Variants in HLA-DOA observed in about 807,000 individuals in gnomAD.
HLA-DOA encodes the protein major histocompatibility complex, class II, DO alpha, also known as HLA class II histocompatibility antigen, DO alpha chain.
HLA-DOA carries 27 observed loss-of-function variants against 22.9 expected under a neutral mutation model. That is an observed-to-expected ratio of 1.18 (90% confidence interval 0.87 to 1.62). The LOEUF is 1.62. Among genes scored for constraint, HLA-DOA ranks in the 40% most tolerant of loss-of-function variants. The pLI, the probability that HLA-DOA is intolerant of heterozygous loss-of-function variation, is 0.00. For synonymous variants in HLA-DOA, 137 were observed against 138.6 expected, an observed-to-expected ratio of 0.99 and a Z score of 0.08; for missense variants, 324 against 332.4, an observed-to-expected ratio of 0.97 and a Z score of 0.20.
rs1028990923 is a variant in HLA-DOA, at chr6:33,006,684, G to A, written c.*154C>T. The A allele has an allele frequency of 2.6e-6, 3 of 1,169,130 alleles. No homozygotes were observed. Among genetic ancestry groups the A allele is most frequent in the Non-Finnish European group, 3.8e-6 (3 of 784,142 alleles). 72.4% of individuals were successfully genotyped at this position (1,169,130 alleles called of 1,614,324 possible). A position where few individuals can be genotyped will look rare whatever the true frequency, so the allele number is the denominator to read the frequency against. ...AACAAACCCTGCCATGAATACTGGGGCCAAAAAAGAGGGGACCCGTAGGAC... is the reference window on the plus strand; with the variant it reads ...AACAAACCCTGCCATGAATACTGGGACCAAAAAAGAGGGGACCCGTAGGAC... On this transcript the variant is annotated 3_prime_UTR_variant, in exon 5 of 5. Coordinates refer to ENST00000229829, the MANE Select transcript of HLA-DOA (RefSeq NM_002119.4).
At chr6:33,008,374 GAC>G in intron 1 of HLA-DOA, 113 bp from the exon 2 acceptor site, 1 of 1,509,042 alleles carries the variant, frequency 6.6e-7, no homozygotes. Flanking sequence ...TCTGTGTGGG[GAC>G]AGAGTCCTGT....
rs950312581 is a variant in HLA-DOA, at chr6:33,009,159, T to G, written c.82+296A>C. On this transcript the variant is annotated intron_variant, in intron 1 of 4. Transcript: ENST00000229829. The surrounding 1 kb of genome is among the most constrained non-coding windows in gnomAD (Gnocchi z 4.8). ...GCCAGGGGTGGTAGAGAAATCAGGG[T>G]GCTTGCTGGCATCTGTTGGGTGGAG... 1.3e-5 allele frequency among the ~76,000 whole-genome samples: 2 copies of G among 152,040 alleles called. No homozygotes were observed. The highest frequency in any genetic ancestry group is 2.9e-5 in the Non-Finnish European group (2 of 68,012).
chr6:33,006,597 A>C lies in HLA-DOA; in HGVS notation c.*241T>G. The C allele has an allele frequency of 1.6e-6, 1 of 628,800 alleles. No individual in the cohort carries two copies. The highest frequency in any genetic ancestry group is 1.8e-5 in the South Asian group (1 of 54,234). The allele number at this position is 628,800 out of a possible 1,614,324, so 39.0% of individuals were successfully genotyped here. ...CAAAGCATTTAGTGCTGCCAGCCAG[A>C]GCTTTGGGTAGAGCAAGAATGTGTG... On this transcript the variant is annotated 3_prime_UTR_variant, in exon 5 of 5. Coordinates refer to ENST00000229829, the MANE Select transcript of HLA-DOA (RefSeq NM_002119.4).
At position 33,009,525 on chromosome 6, in the gene HLA-DOA, T is replaced by C. The variant is rs1376517684; in HGVS notation, c.12A>G (p.Arg4=). 1.2e-6 allele frequency: 2 copies of C among 1,604,412 alleles called. No individual in the cohort carries two copies. The highest frequency in any genetic ancestry group is 8.5e-7 in the Non-Finnish European group (1 of 1,176,886). The change falls in exon 1 of 5, where the codon AGA becomes AGG. Residue 4 remains arginine (R), a synonymous_variant. Transcript: ENST00000229829. The surrounding 1 kb of genome is among the most constrained non-coding windows in gnomAD (Gnocchi z 4.8). MAL[R]AGLVLGFHTL... ...TGTGGAACCCCAGGACCAGCCCTGC[T>C]CTGAGGGCCATTACACTCTGGTGCT...
chr6:33,006,396 A>C lies in HLA-DOA; in HGVS notation c.*442T>G. The C allele has an allele frequency of 3.8e-6, 1 of 266,362 alleles. No individual in the cohort carries two copies. Among genetic ancestry groups the C allele is most frequent in the Non-Finnish European group, 7.3e-6 (1 of 136,544 alleles). 16.5% of individuals were successfully genotyped at this position (266,362 alleles called of 1,614,324 possible). A position where few individuals can be genotyped will look rare whatever the true frequency, so the allele number is the denominator to read the frequency against. ...CTTTCAGGGTAAACCTGAACTCAGGAGGCAAATTTCATGAAGTCCATGTGA... is the reference window on the plus strand; with the variant it reads ...CTTTCAGGGTAAACCTGAACTCAGGCGGCAAATTTCATGAAGTCCATGTGA... On this transcript the variant is annotated 3_prime_UTR_variant, in exon 5 of 5. Coordinates refer to ENST00000229829, the MANE Select transcript of HLA-DOA (RefSeq NM_002119.4).
rs375256 is a variant in HLA-DOA at position 33,008,092 on chromosome 6, G to A, written c.252C>T (p.Gly84=). The A allele has an allele frequency of 0.24, 381,304 of 1,612,792 alleles. 47,458 individuals are homozygous for A. The highest frequency in any genetic ancestry group is 0.33 in the East Asian group (14,907 of 44,850). ...TGATTGCGGCGATGCCGGCCAGCCCGCCCTGCGGGTCAAAGCGGGCAAAGT... is the reference window on the plus strand; with the variant it reads ...TGATTGCGGCGATGCCGGCCAGCCCACCCTGCGGGTCAAAGCGGGCAAAGT... The part of the protein sequence containing the change: ...FGDFARFDPQ[G]GLAGIAAIKA... The change falls in exon 2 of 5, where the codon GGC becomes GGT. Residue 84 remains glycine, a synonymous_variant. Transcript: ENST00000229829.
At position 33,007,612 on chromosome 6, in the gene HLA-DOA, A is replaced by G. The variant is rs1780878203; in HGVS notation, c.332-20T>C. On this transcript the variant is annotated intron_variant, in intron 2 of 4. Transcript: ENST00000229829. ...GAGGCACTAGGAGGAACAGGCCCTG[A>G]GTCCACAGGCTCATCCCTCACCCCA... 1.2e-6 allele frequency: 2 copies of G among 1,601,148 alleles called. No individual in the cohort carries two copies. The highest frequency in any genetic ancestry group is 1.7e-6 in the Non-Finnish European group (2 of 1,174,168).
rs781597954 is a variant in HLA-DOA at position 33,009,569 on chromosome 6, G to C, written c.-33C>G. ...TGGTGCTTTAATCAAATCAGTCTCA[G>C]TCCGTGTGGTGAGGACAGGAACAAG... On this transcript the variant is annotated 5_prime_UTR_variant, in exon 1 of 5. Coordinates refer to ENST00000229829, the MANE Select transcript of HLA-DOA (RefSeq NM_002119.4). The surrounding 1 kb of genome is among the most constrained non-coding windows in gnomAD (Gnocchi z 4.8). The C allele has an allele frequency of 4.0e-6, 6 of 1,517,514 alleles. No homozygotes were observed. The East Asian group carries it at 1.4e-4, about 36-fold the overall frequency. The allele number at this position is 1,517,514 out of a possible 1,614,324, so 94.0% of individuals were successfully genotyped here. A position where few individuals can be genotyped will look rare whatever the true frequency, so the allele number is the denominator to read the frequency against.
intron 3 of HLA-DOA, 26 bp downstream of exon 3, chr6:33,007,285 G>A (rs1780852223): frequency 6.2e-7 from 1 of 1,613,092 alleles, no homozygotes; most frequent in South Asian, 1.1e-5. Flanking sequence ...GGGGCCAGGA[G>A]GGTGCATGGG....
chr6:33,008,753 G>A (rs1390731369), intron 1 of HLA-DOA, among the ~76,000 whole-genome samples: 3 of 152,110 alleles, frequency 2.0e-5, no homozygotes, highest in Non-Finnish European at 4.4e-5. Flanking sequence ...GAGACCAAGG[G>A]GATAGGGAGA....
Position 33,007,203 on chromosome 6 carries a change from G to A in HLA-DOA, c.626C>T (p.Pro209Leu), listed in dbSNP as rs147947959. 4.6e-5 allele frequency: 75 copies of A among 1,613,828 alleles called. No individual in the cohort carries two copies. The East Asian group carries it at 5.6e-4, about 12-fold the overall frequency. The part of the protein sequence containing the change: ...PLLRHWELQV[P>L]IPPPDAMETL... ...CTCCATGGCATCTGGTGGTGGAATA[G>A]GCACCTGGAGCTCTAGGAGAGAAAG... The change falls in exon 4 of 5, where the codon CCT becomes CTT. Residue 209 changes from proline to leucine, a missense_variant. Physicochemically the swap from Pro to Leu is moderately conservative, Grantham distance 98. Coordinates refer to ENST00000229829, the MANE Select transcript of HLA-DOA (RefSeq NM_002119.4).
At chr6:33,008,345 C>T in intron 1 of HLA-DOA, 84 bp from the exon 2 acceptor site, 1 of 1,547,726 alleles carries the variant, frequency 6.5e-7, no homozygotes, top group Non-Finnish European at 8.7e-7. Context: ...AGTCCCTGAG[C>T]CTGGGCCCCG....
chr6:33,007,193 T>C lies in HLA-DOA; in HGVS notation c.636A>G (p.Pro212=). 1 of 1,613,760 alleles carries C rather than the reference T, an allele frequency of 6.2e-7. No individual in the cohort carries two copies. Among genetic ancestry groups the C allele is most frequent in the Non-Finnish European group, 8.5e-7 (1 of 1,180,020 alleles). ...AGACCAGGGTCTCCATGGCATCTGG[T>C]GGTGGAATAGGCACCTGGAGCTCTA... ...RHWELQVPIP[P]PDAMETLVCA... The change falls in exon 4 of 5, where the codon CCA becomes CCG. Residue 212 remains proline (P), a synonymous_variant. Transcript: ENST00000229829.
Position 33,007,136 on chromosome 6 carries a change from G to A in HLA-DOA, c.693C>T (p.Gly231=). Residue 231 remains glycine, a synonymous_variant, in exon 4 of 5, where the codon GGC becomes GGT. Coordinates refer to ENST00000229829, the MANE Select transcript of HLA-DOA (RefSeq NM_002119.4). The stretch of plus-strand genomic sequence containing the variant: ...TGATGAGGACGGTGCCCACGAGGAA[G>A]CCCACCAGGCCGATGGCCAGGCCCA... ...CALGLAIGLV[G]FLVGTVLIIM... is the part of the protein sequence containing the mutation. 1 of 1,613,924 alleles carries A rather than the reference G, an allele frequency of 6.2e-7. No homozygotes were observed. The highest frequency in any genetic ancestry group is 1.1e-5 in the South Asian group (1 of 91,086).
At chr6:33,008,372 G>C (rs933805616) in intron 1 of HLA-DOA, 111 bp from the exon 2 acceptor site, 4 of 1,512,528 alleles carry the variant, frequency 2.6e-6, no homozygotes, top group Non-Finnish European at 3.5e-6. Flanking sequence ...GTTCTGTGTG[G>C]GGACAGAGTC....
intron 2 of HLA-DOA, 114 bp downstream of exon 2, chr6:33,007,899 C>T (rs1562012315): frequency 7.3e-7 from 1 of 1,372,224 alleles, no homozygotes; most frequent in Non-Finnish European, 9.9e-7. Flanking sequence ...AGGAACAGGG[C>T]ATGACAGGCG....
rs773654457 is a variant in HLA-DOA, at chr6:33,007,049, C to G, written c.749+31G>C. 23 of 1,590,708 alleles carry G rather than the reference C, an allele frequency of 1.4e-5. No individual in the cohort carries two copies. The African/African-American group carries it at 3.0e-4, about 21-fold the overall frequency. On this transcript the variant is annotated intron_variant, in intron 4 of 4. Transcript: ENST00000229829. ...TGTTCAGAGTCATCCACTTTCCTCCCCCACCCCCCAGACTCCCGGGGCCTC... is the reference window on the plus strand; with the variant it reads ...TGTTCAGAGTCATCCACTTTCCTCCGCCACCCCCCAGACTCCCGGGGCCTC...
At position 33,004,298 on chromosome 6, in the gene HLA-DOA, G is replaced by A. The variant is rs1201608802; in HGVS notation, c.*2540C>T. ...CTAAGCAAAAGATCAGCAGAGATCA[G>A]AGATTGTTGGGTACACACGTATCTT... is the stretch of plus-strand genomic sequence containing the variant. On this transcript the variant is annotated 3_prime_UTR_variant, in exon 5 of 5. Coordinates refer to ENST00000229829, the MANE Select transcript of HLA-DOA (RefSeq NM_002119.4). 2 of 152,228 alleles carry A rather than the reference G, an allele frequency of 1.3e-5. No individual in the cohort carries two copies. Among genetic ancestry groups the A allele is most frequent in the African/African-American group, 4.8e-5 (2 of 41,460 alleles). 9.4% of individuals were successfully genotyped at this position (152,228 alleles called of 1,614,324 possible). A position where few individuals can be genotyped will look rare whatever the true frequency, so the allele number is the denominator to read the frequency against.
intron 3 of HLA-DOA, 22 bp from the exon 4 acceptor site, chr6:33,007,237 T>A: frequency 6.2e-7 from 1 of 1,613,206 alleles, no homozygotes; most frequent in Non-Finnish European, 8.5e-7. Flanking sequence ...AGGAAGGAGT[T>A]GGTGGTATAT....
Sources: gnomAD v4.1 joint callset for allele counts (sites outside exome capture counted in the v4.1 genomes callset) on GRCh38, gnomAD v4.1.1 for gene constraint, Gnocchi (gnomAD v3.1) non-coding constraint, MANE v1.5 for transcripts, NCBI Gene and HGNC (gene_info 2026-07-23, HGNC 2026-07-21) for gene names.